The following CR1 variants were observed in gnomAD, a reference collection of about 807,000 sequenced individuals.
CR1 encodes complement C3b/C4b receptor 1 (Knops blood group), also known as complement receptor type 1.
CR1 carries 116 observed loss-of-function variants against 187.3 expected under a neutral mutation model. That is an observed-to-expected ratio of 0.62 (90% CI 0.53 to 0.72). CR1 has a LOEUF of 0.72. CR1 is among the 30% of genes least tolerant of loss of function. The pLI, the probability that CR1 is intolerant of heterozygous loss-of-function variation, is 0.00. For missense variants in CR1, 1,731 were observed against 2,110.7 expected (o/e 0.82, Z 3.52); for synonymous variants, 576 against 747.1 (o/e 0.77, Z 3.73).
intron 35 of CR1, among the ~76,000 whole-genome samples, chr1:207,593,302 C>T (rs535394821): frequency 1.8e-4 from 27 of 152,164 alleles, no homozygotes; most frequent in African/African-American, 6.5e-4. Flanking sequence ...GAAATAATGC[C>T]ACACATCTAC....
In CR1 at chr1:207,609,411, G is replaced by C. The variant is rs746487023; in HGVS notation, c.6018G>C (p.Gln2006His). 13 of 1,613,904 alleles carry C rather than the reference G, an allele frequency of 8.1e-6. No individual in the cohort carries two copies. In the South Asian group the frequency reaches 1.4e-4, roughly 18 times the overall value. ...GCCACACTGGACCAGATGGAGAACA[G>C]CTGTTTGAGCTTGTGGGAGAACGGT... ...YQCHTGPDGE[Q>H]LFELVGERSI... The change falls in exon 37 of 47, where the codon CAG becomes CAC. Residue 2006 changes from glutamine to histidine, a missense_variant. Physicochemically the swap from Gln to His is conservative, Grantham distance 24. Coordinates refer to ENST00000367049, the MANE Select transcript of CR1 (RefSeq NM_000651.6).
At chr1:207,622,603 T>C (rs932345167) in intron 44 of CR1, among the ~76,000 whole-genome samples, 1 of 152,186 alleles carries the variant, frequency 6.6e-6, no homozygotes, top group African/African-American at 2.4e-5. Context: ...AATCAATAAA[T>C]GGACAAAATG....
intron 4 of CR1, among the ~76,000 whole-genome samples, chr1:207,517,765 C>T (rs1448237038): frequency 6.6e-6 from 1 of 151,908 alleles, no homozygotes; most frequent in Non-Finnish European, 1.5e-5. Context: ...TTTAGATTTC[C>T]TAGGTTATCA....
intron 4 of CR1, among the ~76,000 whole-genome samples, chr1:207,519,726 A>G (rs1339449007): frequency 6.6e-6 from 1 of 152,264 alleles, no homozygotes; most frequent in Non-Finnish European, 1.5e-5. Context: ...AAGTAAGCGC[A>G]GAGACTCCAG....
chr1:207,505,633 G>A (rs1218624930), intron 1 of CR1, among the ~76,000 whole-genome samples: 6 of 152,032 alleles, frequency 3.9e-5, no homozygotes, highest in Admixed American at 1.3e-4. Context: ...GTCAGGAGTC[G>A]AGACCAGCCT....
chr1:207,507,127 C>A (rs917911462), intron 3 of CR1: 10 of 228,398 alleles, frequency 4.4e-5, no homozygotes, highest in Admixed American at 2.3e-4. Flanking sequence ...GGGGACATTG[C>A]TGGAAGAAAG....
intron 24 of CR1, among the ~76,000 whole-genome samples, chr1:207,566,472 T>C (rs1245983214): frequency 6.7e-6 from 1 of 150,152 alleles, no homozygotes; most frequent in Non-Finnish European, 1.5e-5. Context: ...GTTATATCAA[T>C]GAACAAGATG....
rs749834094 is a variant in CR1 at position 207,511,665 on chromosome 1, A to G, written c.487+11A>G. The stretch of plus-strand genomic sequence containing the variant: ...CACCTATTTGTGACAGTGAGTTGAA[A>G]TATCCCTTCCTATTTCTTTTACCGA... On this transcript the variant is annotated intron_variant, in intron 4 of 46. Transcript: ENST00000367049. 1.9e-6 allele frequency: 3 copies of G among 1,607,706 alleles called. No individual in the cohort carries two copies. In the South Asian group the frequency reaches 3.3e-5, roughly 18 times the overall value.
chr1:207,636,069 C>T (rs546248179), intron 46 of CR1, among the ~76,000 whole-genome samples: 1 of 151,668 alleles, frequency 6.6e-6, no homozygotes, highest in South Asian at 2.1e-4. Flanking sequence ...CTTTCTTTTC[C>T]CCACATTTCC....
rs533447281 is a variant in CR1 at position 207,567,891 on chromosome 1, T to G, written c.4020T>G (p.Phe1340Leu). The change falls in exon 25 of 47, where the codon TTT (phenylalanine) becomes TTG (leucine). Residue 1340 changes from phenylalanine to leucine, a missense_variant. Coordinates refer to ENST00000367049, the MANE Select transcript of CR1 (RefSeq NM_000651.6). ...ACACAGGAAAACCTCTGGAAGTCTT[T>G]CCCTTTGGAAAAGCAGTAAATTACA... is the stretch of plus-strand genomic sequence containing the variant. The part of the protein sequence containing the change: ...GRHTGKPLEV[F>L]PFGKAVNYTC... 6 of 1,610,982 alleles carry G rather than the reference T, an allele frequency of 3.7e-6. No individual in the cohort carries two copies. The highest frequency in any genetic ancestry group is 2.8e-5 in the African/African-American group (2 of 72,440).
At chr1:207,622,075 A>AAAG in intron 44 of CR1, 79 bp downstream of exon 44, 1 of 1,175,768 alleles carries the variant, frequency 8.5e-7, no homozygotes, top group Middle Eastern at 2.0e-4. Flanking sequence ...TGAAATGTAA[A>AAAG]AAGAGAGATC....
chr1:207,567,246 C>A (rs554170618), intron 24 of CR1, among the ~76,000 whole-genome samples: 2 of 147,214 alleles, frequency 1.4e-5, no homozygotes, highest in East Asian at 3.9e-4. Flanking sequence ...AAAAGCAAAG[C>A]CATCTGAATC....
At chr1:207,617,628 G>T (rs1195081976) in intron 41 of CR1, among the ~76,000 whole-genome samples, 218 of 41,230 alleles carry the variant, frequency 5.3e-3, no homozygotes, top group East Asian at 0.024. Context: ...GAGAGAGAGA[G>T]AGAGAGAGAG....
chr1:207,637,241 C>T (rs980651742), intron 46 of CR1, among the ~76,000 whole-genome samples: 1 of 152,162 alleles, frequency 6.6e-6, no homozygotes, highest in Admixed American at 6.5e-5. Flanking sequence ...TCTGTTAAGT[C>T]GCTATCAACA....
In CR1 at chr1:207,574,800, C is replaced by T. The variant is rs192060250; in HGVS notation, c.4452-795C>T. ...TATCCATGTGTGTAATATACATGCA[C>T]ATATATAAAATGAAATTCCTCATTA... On this transcript the variant is annotated intron_variant, in intron 27 of 46. Transcript: ENST00000367049. Among the ~76,000 whole-genome samples, 116 of 152,142 alleles carry T rather than the reference C, an allele frequency of 7.6e-4. 2 individuals carry two copies. In the East Asian group the frequency reaches 0.022, roughly 28 times the overall value.
rs1413672951 is a variant in CR1 at position 207,614,490 on chromosome 1, G to A, written c.6661+1G>A. 11 of 1,608,686 alleles carry A rather than the reference G, an allele frequency of 6.8e-6. No homozygotes were observed. The highest frequency in any genetic ancestry group is 2.2e-5 in the South Asian group (2 of 91,002). ...AATAGCAGTGTTCCAGTGTGTGAAC[G>A]TGAGTAGAAAGAACTATGTAGTTTG... On this transcript the variant is annotated splice_donor_variant, in intron 40 of 46. Coordinates refer to ENST00000367049, the MANE Select transcript of CR1 (RefSeq NM_000651.6). LOFTEE classifies it high-confidence loss of function.
chr1:207,612,072 C>G, intron 39 of CR1, 31 bp downstream of exon 39: 3 of 1,599,044 alleles, frequency 1.9e-6, no homozygotes, highest in Non-Finnish European at 2.6e-6. Flanking sequence ...AGACCAAGGA[C>G]TCAGTGTGGA....
intron 43 of CR1, 70 bp downstream of exon 43, chr1:207,620,135 G>T (rs1662272884): frequency 2.0e-6 from 3 of 1,471,844 alleles, no homozygotes; most frequent in South Asian, 1.3e-5. Context: ...ATCCATATTG[G>T]CATCAAGTGT....
intron 43 of CR1, 34 bp from the exon 44 acceptor site, chr1:207,621,939 G>C (rs1410930094): frequency 6.4e-7 from 1 of 1,573,670 alleles, no homozygotes; most frequent in East Asian, 2.3e-5. Flanking sequence ...TTGCATGCCA[G>C]AGTGATGTTT....
Sources: allele counts gnomAD v4.1 joint callset (sites outside exome capture counted in the v4.1 genomes callset), GRCh38; gene constraint gnomAD v4.1.1; transcripts MANE v1.5; gene names NCBI Gene and HGNC (gene_info 2026-07-23, HGNC 2026-07-21).